The following RBM48 variants were observed in gnomAD, a reference collection of about 807,000 sequenced individuals.
The protein encoded by RBM48 is RNA-binding protein 48.
A neutral mutation model predicts 34.8 loss-of-function variants in RBM48; 32 were observed. The observed-to-expected ratio is 0.92, with a 90% CI of 0.69 to 1.23. RBM48 has a LOEUF of 1.23. RBM48 is among the 50% of genes most tolerant of loss of function. The probability of loss-of-function intolerance (pLI) is 0.00; values close to 1 mark genes in which losing one functional copy is unlikely to be tolerated. For synonymous variants in RBM48, 151 were observed against 156.2 expected (o/e 0.97, Z 0.25); for missense variants, 441 against 447.2 (o/e 0.99, Z 0.12).
intron 1 of RBM48, 163 bp downstream of exon 1, chr7:92,529,087 C>A (rs1793463981): frequency 6.1e-6 from 4 of 659,268 alleles, no homozygotes; most frequent in Non-Finnish European, 1.1e-5. Context: ...AAGATTCTCA[C>A]GACGCCTTTG....
chr7:92,537,902 C>T lies in RBM48; in HGVS notation c.*965C>T, dbSNP rs1467250179. ...CAGGCAGGTATTGAACTCCTGGGCT[C>T]AAGTGATTCACCCACCTCGGCCTCC... On this transcript the variant is annotated 3_prime_UTR_variant, in exon 5 of 5. Transcript: ENST00000265732. The T allele has an allele frequency of 6.6e-6, 1 of 152,160 alleles. No homozygotes were observed. The highest frequency in any genetic ancestry group is 6.5e-5 in the Admixed American group (1 of 15,288). The allele number at this position is 152,160 out of a possible 1,614,324, so 9.4% of individuals were successfully genotyped here.
rs1793686904 is a variant in RBM48 at position 92,535,462 on chromosome 7, G to A, written c.1017+492G>A. Reference sequence around the variant, plus strand: ...AGGCCTCCAGGTATGCATTTCAAATGTAGACTTCTTAAATGATCGGGATCA... The same window carrying A: ...AGGCCTCCAGGTATGCATTTCAAATATAGACTTCTTAAATGATCGGGATCA... On this transcript the variant is annotated intron_variant, in intron 4 of 4. Transcript: ENST00000265732. The A allele has an allele frequency of 1.3e-5, 13 of 996,422 alleles. No individual in the cohort carries two copies. The South Asian group carries it at 5.5e-4, about 42-fold the overall frequency. 61.7% of individuals were successfully genotyped at this position (996,422 alleles called of 1,614,324 possible).
chr7:92,529,449 C>T (rs919568795), intron 1 of RBM48, 27 bp from the exon 2 acceptor site: 2 of 1,423,684 alleles, frequency 1.4e-6, no homozygotes, highest in Admixed American at 4.2e-5. Flanking sequence ...TTGCGAAATA[C>T]GTTTAATAAC....
intron 1 of RBM48, 73 bp from the exon 2 acceptor site, chr7:92,529,403 T>TAA: frequency 6.0e-6 from 5 of 838,938 alleles, no homozygotes; most frequent in African/African-American, 3.5e-5. Flanking sequence ...AAGTTCTCTT[T>TAA]AAAAAAAAAT....
intron 1 of RBM48, 101 bp from the exon 2 acceptor site, chr7:92,529,375 G>T: frequency 2.8e-6 from 2 of 703,486 alleles, no homozygotes; most frequent in East Asian, 2.7e-5. Context: ...GGGTTGAACA[G>T]ATTATTTCTT....
chr7:92,536,215 C>A, intron 4 of RBM48: 9 of 984,782 alleles, frequency 9.1e-6, no homozygotes, highest in Non-Finnish European at 9.6e-6. Context: ...TAGATACATA[C>A]CTGTCTCAAC....
In RBM48 at chr7:92,534,777, T is replaced by C. The variant is rs1793665675; in HGVS notation, c.824T>C (p.Met275Thr). ...ITSSEAVDRF[M>T]PRTTQLQERK... Reference sequence around the variant, plus strand: ...TCTTCAGAGGCAGTTGACAGATTTATGCCTAGGACAACACAACTGCAGGAG... The same window carrying C: ...TCTTCAGAGGCAGTTGACAGATTTACGCCTAGGACAACACAACTGCAGGAG... Residue 275 changes from methionine to threonine, a missense_variant, in exon 4 of 5, where the codon ATG becomes ACG. Transcript: ENST00000265732. 2.5e-6 allele frequency: 4 copies of C among 1,614,048 alleles called. No homozygotes were observed. The highest frequency in any genetic ancestry group is 3.4e-6 in the Non-Finnish European group (4 of 1,180,028).
Position 92,528,871 on chromosome 7 carries a change from G to T in RBM48, c.58G>T (p.Val20Leu), listed in dbSNP as rs751744301. The stretch of plus-strand genomic sequence containing the variant: ...ATTTGATCACCACGTCCAGAGGGCG[G>T]TATGCGACACACGGGCCAAATATCG... ...SLFDHHVQRAVCDTRAKYREG... is the reference protein window; with the variant it reads ...SLFDHHVQRALCDTRAKYREG... The change falls in exon 1 of 5, where the codon GTA (valine) becomes TTA (leucine). Residue 20 changes from valine to leucine, a missense_variant. By Grantham distance (32) the Val-to-Leu change is conservative. Transcript: ENST00000265732. 4 of 1,613,990 alleles carry T rather than the reference G, an allele frequency of 2.5e-6. No individual in the cohort carries two copies. Among genetic ancestry groups the T allele is most frequent in the Non-Finnish European group, 3.4e-6 (4 of 1,180,008 alleles).
At position 92,532,293 on chromosome 7, in the gene RBM48, C is replaced by T. The variant is rs547037018; in HGVS notation, c.303-111C>T. 28 of 837,394 alleles carry T rather than the reference C, an allele frequency of 3.3e-5. No individual in the cohort carries two copies. The South Asian group carries it at 3.4e-4, about 10-fold the overall frequency. The allele number at this position is 837,394 out of a possible 1,614,324, so 51.9% of individuals were successfully genotyped here. A position where few individuals can be genotyped will look rare whatever the true frequency, so the allele number is the denominator to read the frequency against. ...TCCCAATCCACAGGATATATATACA[C>T]GTAGCAAAAGCTGGACTTTGCTCTT... On this transcript the variant is annotated intron_variant, in intron 2 of 4. Coordinates refer to ENST00000265732, the MANE Select transcript of RBM48 (RefSeq NM_032120.4).
rs1466816229 is a variant in RBM48 at position 92,534,340 on chromosome 7, T to C, written c.449-62T>C. On this transcript the variant is annotated intron_variant, in intron 3 of 4. Coordinates refer to ENST00000265732, the MANE Select transcript of RBM48 (RefSeq NM_032120.4). ...TTTTTTTAAATTATATGATTCTGAA[T>C]GATGAAAACAATAAACCACTTCTGT... 9 of 1,517,996 alleles carry C rather than the reference T, an allele frequency of 5.9e-6. No homozygotes were observed. The African/African-American group carries it at 1.1e-4, about 19-fold the overall frequency. 94.0% of individuals were successfully genotyped at this position (1,517,996 alleles called of 1,614,324 possible).
rs1279658257 is a variant in RBM48 at position 92,539,387 on chromosome 7, A to C, written c.*2450A>C. Among the ~76,000 whole-genome samples, 1 of 152,228 alleles carries C rather than the reference A, an allele frequency of 6.6e-6. No individual in the cohort carries two copies. Among genetic ancestry groups the C allele is most frequent in the Non-Finnish European group, 1.5e-5 (1 of 68,038 alleles). On this transcript the variant is annotated 3_prime_UTR_variant, in exon 5 of 5. Transcript: ENST00000265732. Reference sequence around the variant, plus strand: ...GATAAGGATAGCTTAATAACATGCAAGCTAATTTACAAAATTTCCATATAG... The same window carrying C: ...GATAAGGATAGCTTAATAACATGCACGCTAATTTACAAAATTTCCATATAG...
intron 3 of RBM48, among the ~76,000 whole-genome samples, chr7:92,532,832 G>A (rs749346178): frequency 2.0e-5 from 3 of 152,198 alleles, no homozygotes; most frequent in Admixed American, 1.3e-4. Context: ...GGCAAGCCAG[G>A]CAAGATGTTT....
intron 1 of RBM48, chr7:92,529,148 T>C (rs1232762603): frequency 1.0e-5 from 6 of 594,064 alleles, no homozygotes; most frequent in Non-Finnish European, 1.8e-5. Context: ...GTTTTAGTCA[T>C]TGGATCTTCT....
chr7:92,538,888 G>C lies in RBM48; in HGVS notation c.*1951G>C, dbSNP rs1379005791. On this transcript the variant is annotated 3_prime_UTR_variant, in exon 5 of 5. Coordinates refer to ENST00000265732, the MANE Select transcript of RBM48 (RefSeq NM_032120.4). ...GCTGCTAAATGGGTCGTGTGTTTCT[G>C]AATGGGTTCCTGATAGTCCTGTGAC... Among the ~76,000 whole-genome samples the C allele has an allele frequency of 6.6e-6, 1 of 152,212 alleles. No individual in the cohort carries two copies. The highest frequency in any genetic ancestry group is 1.5e-5 in the Non-Finnish European group (1 of 68,044).
In RBM48 at chr7:92,528,888, C is replaced by T; in HGVS notation, c.75C>T (p.Ala25=). The change falls in exon 1 of 5, where the codon GCC becomes GCT. Residue 25 remains alanine (A), a synonymous_variant. Coordinates refer to ENST00000265732, the MANE Select transcript of RBM48 (RefSeq NM_032120.4). ...AGAGGGCGGTATGCGACACACGGGCCAAATATCGAGAGGGACGACGGCCTC... is the reference window on the plus strand; with the variant it reads ...AGAGGGCGGTATGCGACACACGGGCTAAATATCGAGAGGGACGACGGCCTC... ...HVQRAVCDTR[A]KYREGRRPRA... is the part of the protein sequence containing the mutation. 3 of 1,614,058 alleles carry T rather than the reference C, an allele frequency of 1.9e-6. No homozygotes were observed. Among genetic ancestry groups the T allele is most frequent in the Middle Eastern group, 1.6e-4 (1 of 6,062 alleles).
chr7:92,532,521 A>T lies in RBM48; in HGVS notation c.420A>T (p.Ala140=). The T allele has an allele frequency of 6.2e-7, 1 of 1,612,920 alleles. No individual in the cohort carries two copies. The highest frequency in any genetic ancestry group is 1.1e-5 in the South Asian group (1 of 90,994). The change falls in exon 3 of 5, where the codon GCA becomes GCT. Residue 140 remains alanine, a synonymous_variant. Coordinates refer to ENST00000265732, the MANE Select transcript of RBM48 (RefSeq NM_032120.4). ...ETRKKLQMRK[A]YVVKTTENKD... The stretch of plus-strand genomic sequence containing the variant: ...GAAAAAAACTACAAATGCGGAAGGC[A>T]TATGTAGTAAAAACTACTGAAAATA...
chr7:92,534,653 A>G lies in RBM48; in HGVS notation c.700A>G (p.Thr234Ala), dbSNP rs1793659818. The G allele has an allele frequency of 6.2e-7, 1 of 1,614,096 alleles. No individual in the cohort carries two copies. Among genetic ancestry groups the G allele is most frequent in the South Asian group, 1.1e-5 (1 of 91,090 alleles). ...SSKDGRNHHK[T>A]MGHYNHNDSL... ...TAAGGATGGTAGAAACCATCATAAA[A>G]CAATGGGGCATTATAACCACAATGA... Residue 234 changes from threonine to alanine, a missense_variant, in exon 4 of 5, where the codon ACA (threonine) becomes GCA (alanine). Physicochemically the swap from Thr to Ala is moderately conservative, Grantham distance 58. Transcript: ENST00000265732.
Position 92,537,017 on chromosome 7 carries a change from AT to A in RBM48, c.*84del. On this transcript the variant is annotated 3_prime_UTR_variant, in exon 5 of 5. Coordinates refer to ENST00000265732, the MANE Select transcript of RBM48 (RefSeq NM_032120.4). ...GCCTGTCATTTTAATTCTTCAAGAG[AT>A]TTTACTGCTGGTATTTTTTAATGCA... 1 of 1,005,222 alleles carries A rather than the reference AT, an allele frequency of 9.9e-7. No homozygotes were observed. The highest frequency in any genetic ancestry group is 1.4e-6 in the Non-Finnish European group (1 of 692,552). The allele number at this position is 1,005,222 out of a possible 1,614,324, so 62.3% of individuals were successfully genotyped here.
chr7:92,529,183 G>T, intron 1 of RBM48: 1 of 579,328 alleles, frequency 1.7e-6, no homozygotes, highest in Non-Finnish European at 3.1e-6. Flanking sequence ...ACTTGGCACA[G>T]GTAAGCACTC....
Sources: allele counts gnomAD v4.1 joint callset (sites outside exome capture counted in the v4.1 genomes callset), GRCh38; gene constraint gnomAD v4.1.1; transcripts MANE v1.5; gene names NCBI Gene and HGNC (gene_info 2026-07-23, HGNC 2026-07-21).